Variants in RASAL2 observed in about 807,000 individuals in gnomAD.
RASAL2 encodes the protein RAS protein activator like 2, also known as ras GTPase-activating protein nGAP.
RASAL2 carries 58 observed loss-of-function variants against 128.9 expected under a neutral mutation model. That is an observed-to-expected ratio of 0.45 (90% CI 0.36 to 0.56). RASAL2 has a LOEUF of 0.56. Ranked by LOEUF, RASAL2 falls within the 20% of genes least tolerant of loss-of-function variation. The pLI is 0.00. For synonymous variants in RASAL2, 561 were observed against 580.8 expected, an observed-to-expected ratio of 0.97 and a Z score of 0.49; for missense variants, 1,360 against 1,601.6, an observed-to-expected ratio of 0.85 and a Z score of 2.57.
chr1:178,175,437 C>CGTGTGT (rs1158552851), intron 1 of RASAL2, among the ~76,000 whole-genome samples: 39,968 of 144,164 alleles, frequency 0.28, 5,632 homozygotes, highest in Non-Finnish European at 0.31. Context: ...TACATGGTTA[C>CGTGTGT]GTGTGTGTGT....
chr1:178,414,389 A>G (rs1246206662), intron 4 of RASAL2, among the ~76,000 whole-genome samples: 1 of 152,196 alleles, frequency 6.6e-6, no homozygotes, highest in Non-Finnish European at 1.5e-5. Flanking sequence ...GTGGATACAT[A>G]TCACCATGCA....
chr1:178,344,482 T>C (rs1035058088), intron 3 of RASAL2, among the ~76,000 whole-genome samples: 1 of 152,194 alleles, frequency 6.6e-6, no homozygotes, highest in African/African-American at 2.4e-5. Context: ...TACCCAGTTA[T>C]CCACCCAAGA....
At chr1:178,144,503 T>C (rs1558078663) in intron 1 of RASAL2, among the ~76,000 whole-genome samples, 1 of 152,246 alleles carries the variant, frequency 6.6e-6, no homozygotes, top group Non-Finnish European at 1.5e-5. Context: ...TATTGCCTAA[T>C]ACTGTGTATC....
Position 178,336,881 on chromosome 1 carries a change from A to G in RASAL2, c.457+36763A>G, listed in dbSNP as rs1669611787. Among the ~76,000 whole-genome samples the G allele has an allele frequency of 2.6e-5, 4 of 152,228 alleles. No individual in the cohort carries two copies. In the South Asian group the frequency reaches 8.3e-4, roughly 32 times the overall value. ...AAAGTGTTGGTTTTGTTCTTTTAGT[A>G]TAATCTTACTCATATGATGAAATAA... On this transcript the variant is annotated intron_variant, in intron 3 of 17. Transcript: ENST00000367649.
At chr1:178,378,382 T>C (rs973681217) in intron 3 of RASAL2, among the ~76,000 whole-genome samples, 65 of 152,060 alleles carry the variant, frequency 4.3e-4, no homozygotes, top group Non-Finnish European at 1.3e-4. Flanking sequence ...TGGACAGAAA[T>C]GGATAATTCT....
chr1:178,134,563 A>T (rs546320678), intron 1 of RASAL2, among the ~76,000 whole-genome samples: 8 of 152,114 alleles, frequency 5.3e-5, no homozygotes, highest in Non-Finnish European at 1.2e-4. Context: ...TTCTAATTGC[A>T]GGAGACCGAT....
chr1:178,158,664 CGTTA>C (rs772828703), intron 1 of RASAL2, among the ~76,000 whole-genome samples: 1 of 152,168 alleles, frequency 6.6e-6, no homozygotes, highest in African/African-American at 2.4e-5. Flanking sequence ...ATAGAAGAAT[CGTTA>C]GTATCATGGC....
chr1:178,422,473 A>G (rs1675218228), intron 5 of RASAL2, among the ~76,000 whole-genome samples: 1 of 152,132 alleles, frequency 6.6e-6, no homozygotes, highest in African/African-American at 2.4e-5. Flanking sequence ...TTTGAATTGT[A>G]GAGATTTCCT....
At chr1:178,442,286 A>G (rs1676707533) in intron 7 of RASAL2, among the ~76,000 whole-genome samples, 1 of 152,160 alleles carries the variant, frequency 6.6e-6, no homozygotes, top group Non-Finnish European at 1.5e-5. Context: ...GGACTCTGAA[A>G]AGTTAGGTGA....
At chr1:178,146,721 A>C (rs1267450945) in intron 1 of RASAL2, among the ~76,000 whole-genome samples, 2 of 152,190 alleles carry the variant, frequency 1.3e-5, no homozygotes, top group Non-Finnish European at 2.9e-5. Context: ...ATGGGAAGGG[A>C]ATGTTATGAA....
chr1:178,460,356 C>G (rs1397282887), intron 14 of RASAL2, among the ~76,000 whole-genome samples: 2 of 152,028 alleles, frequency 1.3e-5, no homozygotes, highest in African/African-American at 4.8e-5. Context: ...GGGCCTATGA[C>G]TCAGGCTGGT....
intron 1 of RASAL2, among the ~76,000 whole-genome samples, chr1:178,188,326 CTCCTT>C (rs1662378802): frequency 6.6e-6 from 1 of 152,144 alleles, no homozygotes; most frequent in South Asian, 2.1e-4. Flanking sequence ...TATGTTCCCT[CTCCTT>C]GTACCAGTTT....
chr1:178,464,620 C>T (rs1647457671), intron 15 of RASAL2, among the ~76,000 whole-genome samples: 1 of 139,450 alleles, frequency 7.2e-6, no homozygotes, highest in South Asian at 2.2e-4. Context: ...GGAAAATGTT[C>T]ATCTTGCTAG....
chr1:178,188,466 T>C (rs1042505663), intron 1 of RASAL2, among the ~76,000 whole-genome samples: 1 of 152,146 alleles, frequency 6.6e-6, no homozygotes, highest in Admixed American at 6.6e-5. Flanking sequence ...GTTTCATATA[T>C]TTTGTCTGGT....
intron 1 of RASAL2, among the ~76,000 whole-genome samples, chr1:178,213,441 C>T (rs947322545): frequency 3.3e-4 from 50 of 152,074 alleles, no homozygotes; most frequent in African/African-American, 1.2e-3. Context: ...TACCAAAAGT[C>T]TGTACAGGAA....
At chr1:178,350,259 C>G (rs1670390360) in intron 3 of RASAL2, among the ~76,000 whole-genome samples, 2 of 152,200 alleles carry the variant, frequency 1.3e-5, no homozygotes, top group African/African-American at 4.8e-5. Context: ...CACTTTGTCA[C>G]CCAGGCTGGA....
intron 3 of RASAL2, among the ~76,000 whole-genome samples, chr1:178,366,592 C>G (rs1321348254): frequency 1.4e-5 from 1 of 73,380 alleles, no homozygotes; most frequent in Non-Finnish European, 2.4e-5. Context: ...CACCCCCCCC[C>G]GCCAAAAAAA....
intron 2 of RASAL2, among the ~76,000 whole-genome samples, chr1:178,288,949 C>CT (rs1557879400): frequency 6.6e-6 from 1 of 152,088 alleles, no homozygotes; most frequent in Non-Finnish European, 1.5e-5. Flanking sequence ...CTGAGCCCAG[C>CT]TTTTTTTCTC....
intron 5 of RASAL2, among the ~76,000 whole-genome samples, chr1:178,425,744 G>C (rs963165725): frequency 4.6e-5 from 7 of 152,100 alleles, no homozygotes; most frequent in African/African-American, 1.7e-4. Flanking sequence ...AAAGACACAT[G>C]CTTTCCAGCT....
Sources: allele counts gnomAD v4.1 joint callset (sites outside exome capture counted in the v4.1 genomes callset), GRCh38; gene constraint gnomAD v4.1.1; transcripts MANE v1.5; gene names NCBI Gene and HGNC (gene_info 2026-07-23, HGNC 2026-07-21).